The following MACROD2 variants were observed in gnomAD, a reference collection of about 807,000 sequenced individuals.
MACROD2 encodes the protein mono-ADP ribosylhydrolase 2.
Under a neutral mutation model 70.4 loss-of-function variants are expected in MACROD2, and 36 were observed. That is an observed-to-expected ratio of 0.51 (90% CI 0.39 to 0.68). MACROD2 has a LOEUF of 0.68. MACROD2 is among the 30% of genes least tolerant of loss of function. The pLI is 0.00. For synonymous variants in MACROD2, 172 were observed against 178.8 expected (o/e 0.96, Z 0.30); for missense variants, 496 against 538.4 (o/e 0.92, Z 0.78).
chr20:14,353,347 T>A (rs2083142318), intron 3 of MACROD2, among the ~76,000 whole-genome samples: 1 of 152,164 alleles, frequency 6.6e-6, no homozygotes, highest in African/African-American at 2.4e-5. Context: ...ATTCATTAAC[T>A]GCAAAACTGT....
At chr20:15,270,662 A>G (rs1009361680) in intron 6 of MACROD2, among the ~76,000 whole-genome samples, 10 of 152,206 alleles carry the variant, frequency 6.6e-5, no homozygotes, top group Non-Finnish European at 2.9e-5. Flanking sequence ...AATTTTGGGA[A>G]CGGTATTAGA....
intron 3 of MACROD2, among the ~76,000 whole-genome samples, chr20:14,214,375 C>A (rs2081596954): frequency 6.6e-6 from 1 of 152,110 alleles, no homozygotes. Flanking sequence ...TTTCCCCCTG[C>A]TCATGTAAAT....
At chr20:15,971,233 G>A (rs2066225605) in intron 13 of MACROD2, among the ~76,000 whole-genome samples, 1 of 152,134 alleles carries the variant, frequency 6.6e-6, no homozygotes, top group Admixed American at 6.5e-5. Context: ...AGAATCTTGA[G>A]ATTCTCTGAT....
At chr20:15,653,155 G>A (rs1269138608) in intron 8 of MACROD2, among the ~76,000 whole-genome samples, 1 of 152,172 alleles carries the variant, frequency 6.6e-6, no homozygotes, top group African/African-American at 2.4e-5. Flanking sequence ...CACCTAAAGT[G>A]AACCTTCTAG....
intron 15 of MACROD2, among the ~76,000 whole-genome samples, chr20:16,038,540 T>TA (rs1410336565): frequency 1.3e-5 from 2 of 151,462 alleles, no homozygotes; most frequent in African/African-American, 4.8e-5. Flanking sequence ...GGGTTTTTTT[T>TA]TTTCGGTTCT....
chr20:15,697,852 T>A (rs1157837214), intron 8 of MACROD2, among the ~76,000 whole-genome samples: 2 of 152,254 alleles, frequency 1.3e-5, no homozygotes, highest in Non-Finnish European at 1.5e-5. Context: ...AAAGTTTCTT[T>A]TGTCTGATAT....
intron 3 of MACROD2, among the ~76,000 whole-genome samples, chr20:14,302,951 C>T (rs2082488691): frequency 6.6e-6 from 1 of 151,966 alleles, no homozygotes; most frequent in South Asian, 2.1e-4. Context: ...CGTGCCTGGC[C>T]GGAAGTTATT....
At chr20:15,136,170 C>T (rs1208862772) in intron 5 of MACROD2, among the ~76,000 whole-genome samples, 106 of 150,204 alleles carry the variant, frequency 7.1e-4, no homozygotes, top group Non-Finnish European at 1.0e-3. Context: ...CCATCCCCAT[C>T]AAGCTACCAA....
chr20:16,041,443 C>A (rs555404639), intron 16 of MACROD2, among the ~76,000 whole-genome samples, 165 bp downstream of exon 16: 48 of 151,904 alleles, frequency 3.2e-4, no homozygotes, highest in South Asian at 2.7e-3. Context: ...AAAATGGCAA[C>A]CTCTTATTTA....
In MACROD2 at chr20:14,575,140, T is replaced by G. The variant is rs562409670; in HGVS notation, c.301+81632T>G. ...TTATTGTATTATATATAGCAATATT[T>G]ACCAAATTGGAAATTAAACTGATAA... On this transcript the variant is annotated intron_variant, in intron 4 of 17. Transcript: ENST00000684519. Among the ~76,000 whole-genome samples, 7 of 152,028 alleles carry G rather than the reference T, an allele frequency of 4.6e-5. No homozygotes were observed. In the South Asian group the frequency reaches 1.2e-3, roughly 27 times the overall value.
At chr20:14,236,985 A>G (rs960047443) in intron 3 of MACROD2, among the ~76,000 whole-genome samples, 2 of 152,096 alleles carry the variant, frequency 1.3e-5, no homozygotes, top group Non-Finnish European at 2.9e-5. Context: ...TGTATGTCTG[A>G]AAATTTCTTT....
intron 10 of MACROD2, among the ~76,000 whole-genome samples, chr20:15,930,501 A>C (rs578051143): frequency 3.9e-5 from 6 of 152,196 alleles, no homozygotes; most frequent in Non-Finnish European, 8.8e-5. Context: ...GGATTTGAGG[A>C]TGCACTGTCT....
intron 6 of MACROD2, among the ~76,000 whole-genome samples, chr20:15,303,666 C>A (rs1427019709): frequency 6.6e-6 from 1 of 152,218 alleles, no homozygotes; most frequent in African/African-American, 2.4e-5. Flanking sequence ...TCATGTCACT[C>A]ACTCAGAACC....
chr20:15,790,979 T>C (rs1447990805), intron 8 of MACROD2, among the ~76,000 whole-genome samples: 1 of 151,982 alleles, frequency 6.6e-6, no homozygotes, highest in African/African-American at 2.4e-5. Flanking sequence ...GTTATTACCC[T>C]GTTATGATTT....
chr20:14,320,131 C>T (rs2082645794), intron 3 of MACROD2, among the ~76,000 whole-genome samples: 1 of 152,186 alleles, frequency 6.6e-6, no homozygotes, highest in Non-Finnish European at 1.5e-5. Context: ...TCAAAGCCAA[C>T]ATTTACAAAA....
At chr20:16,041,144 C>A in intron 15 of MACROD2, 57 bp from the exon 16 acceptor site, 1 of 1,416,932 alleles carries the variant, frequency 7.1e-7, no homozygotes, top group Non-Finnish European at 9.9e-7. Context: ...AAATGATTGG[C>A]CCTCAGGCTG....
chr20:15,641,836 A>G (rs1323125657), intron 8 of MACROD2, among the ~76,000 whole-genome samples: 1 of 152,202 alleles, frequency 6.6e-6, no homozygotes, highest in Non-Finnish European at 1.5e-5. Context: ...CTATTGCCAA[A>G]TGAAAATTTC....
chr20:14,479,308 C>T (rs573131446), intron 3 of MACROD2, among the ~76,000 whole-genome samples: 16 of 152,076 alleles, frequency 1.1e-4, no homozygotes, highest in Admixed American at 2.6e-4. Context: ...CCTGATGCCC[C>T]GTGCTGGTGC....
intron 10 of MACROD2, among the ~76,000 whole-genome samples, chr20:15,901,540 G>T (rs529545331): frequency 1.3e-5 from 2 of 152,246 alleles, no homozygotes; most frequent in Admixed American, 6.5e-5. Context: ...TTTGGATATT[G>T]TTTTGTGTTT....
Sources: allele counts gnomAD v4.1 joint callset (sites outside exome capture counted in the v4.1 genomes callset), GRCh38; gene constraint gnomAD v4.1.1; transcripts MANE v1.5; gene names NCBI Gene and HGNC (gene_info 2026-07-23, HGNC 2026-07-21).